Variants in FAM151A observed in about 807,000 individuals in gnomAD.
FAM151A encodes the protein family with sequence similarity 151 member A, also known as protein FAM151A.
Under a neutral mutation model 40.4 loss-of-function variants are expected in FAM151A, and 41 were observed. The observed-to-expected ratio is 1.01, with a 90% confidence interval of 0.79 to 1.32. The LOEUF (loss-of-function observed/expected upper bound fraction) is 1.32, where lower values mean the gene tolerates loss of function less well. Among genes scored for constraint, FAM151A ranks in the 40% most tolerant of loss-of-function variants. FAM151A has a pLI of 0.00. For synonymous variants in FAM151A, 337 were observed against 312.5 expected (o/e 1.08, Z -0.83); for missense variants, 740 against 740.4 (o/e 1.00, Z 0.01).
Position 54,609,301 on chromosome 1 carries a change from G to T in FAM151A, c.1725C>A (p.His575Gln). The change falls in exon 8 of 8, where the codon CAC becomes CAA. Residue 575 changes from histidine (H) to glutamine (Q), a missense_variant. Coordinates refer to ENST00000302250, the MANE Select transcript of FAM151A (RefSeq NM_176782.3). ...TACCAACATGAGCCAGCAAGTCCTT[G>T]TGGTAGCCCTGGGGTAGCCTGTAGT... is the stretch of plus-strand genomic sequence containing the variant. ...RVYYRLPQGY[H>Q]KDLLAHVGRN is the part of the protein sequence containing the mutation. 2 of 1,610,142 alleles carry T rather than the reference G, an allele frequency of 1.2e-6. No homozygotes were observed. The highest frequency in any genetic ancestry group is 1.7e-6 in the Non-Finnish European group (2 of 1,177,036).
chr1:54,619,762 C>A, intron 2 of FAM151A, 102 bp downstream of exon 2: 1 of 1,224,792 alleles, frequency 8.2e-7, no homozygotes. Flanking sequence ...ATGTAAACAG[C>A]CATCATGCCA....
At chr1:54,610,793 C>T in intron 6 of FAM151A, 5 of 984,694 alleles carry the variant, frequency 5.1e-6, no homozygotes, top group Non-Finnish European at 6.0e-6. Flanking sequence ...CTGCCTGGCT[C>T]CAGAGCTGGT....
chr1:54,612,580 C>T lies in FAM151A; in HGVS notation c.706G>A (p.Gly236Arg), dbSNP rs1557670045. 1.2e-6 allele frequency: 2 copies of T among 1,614,088 alleles called. No individual in the cohort carries two copies. Among genetic ancestry groups the T allele is most frequent in the Non-Finnish European group, 1.7e-6 (2 of 1,180,004 alleles). The change falls in exon 5 of 8, where the codon GGA (glycine) becomes AGA (arginine). Residue 236 changes from glycine (G) to arginine (R), a missense_variant. Transcript: ENST00000302250. ...AMVEKMHELV[G>R]GVPQRVTFPV... ...AAGGTGACCCTCTGGGGCACTCCTCCCACCAGCTCGTGCATCTTCTCCACC... is the reference window on the plus strand; with the variant it reads ...AAGGTGACCCTCTGGGGCACTCCTCTCACCAGCTCGTGCATCTTCTCCACC...
At chr1:54,612,731 T>A in intron 4 of FAM151A, 21 bp from the exon 5 acceptor site, 1 of 1,599,908 alleles carries the variant, frequency 6.3e-7, no homozygotes, top group Non-Finnish European at 8.6e-7. Context: ...ATCAGAGATG[T>A]TGGTCTCACG....
rs1360589397 is a variant in FAM151A at position 54,614,788 on chromosome 1, CCT to C, written c.485_486del (p.Glu162GlyfsTer13). On this transcript the variant is annotated frameshift_variant, in exon 4 of 8. Transcript: ENST00000302250. LOFTEE classifies it high-confidence loss of function. The part of the protein sequence containing the change: ...PSLDLLRQLT[E>X]EGKVRRPIWI... ...CATATGGGCCGCCGGACTTTGCCTTCCTCTGTCAGCTGCCGCAGGAGGTCCAG... is the reference window on the plus strand; with the variant it reads ...CATATGGGCCGCCGGACTTTGCCTTCCTGTCAGCTGCCGCAGGAGGTCCAG... 2 of 1,614,142 alleles carry C rather than the reference CCT, an allele frequency of 1.2e-6. No individual in the cohort carries two copies. Among genetic ancestry groups the C allele is most frequent in the Non-Finnish European group, 1.7e-6 (2 of 1,180,010 alleles).
chr1:54,610,260 T>TC lies in FAM151A; in HGVS notation c.1084+151dup, dbSNP rs1227941380. The TC allele has an allele frequency of 6.1e-6, 9 of 1,473,932 alleles. No individual in the cohort carries two copies. In the African/African-American group the frequency reaches 1.3e-4, roughly 21 times the overall value. The allele number at this position is 1,473,932 out of a possible 1,614,324, so 91.3% of individuals were successfully genotyped here. A position where few individuals can be genotyped will look rare whatever the true frequency, so the allele number is the denominator to read the frequency against. ...GCTCTTGACATCACTGTACTCCCTC[T>TC]CCCTCCCCGCAACCCTGCCCCACCT... On this transcript the variant is annotated intron_variant, in intron 7 of 7. Coordinates refer to ENST00000302250, the MANE Select transcript of FAM151A (RefSeq NM_176782.3).
intron 5 of FAM151A, among the ~76,000 whole-genome samples, chr1:54,612,241 G>A (rs1644126655): frequency 6.6e-6 from 1 of 151,878 alleles, no homozygotes; most frequent in South Asian, 2.1e-4. Flanking sequence ...GACAAATTGT[G>A]TCTTGGTATA....
chr1:54,616,449 C>T (rs1161082250), intron 2 of FAM151A, among the ~76,000 whole-genome samples: 2 of 151,932 alleles, frequency 1.3e-5, no homozygotes, highest in Non-Finnish European at 2.9e-5. Context: ...CTACAAGCTC[C>T]ACCTCCCAGT....
intron 1 of FAM151A, among the ~76,000 whole-genome samples, chr1:54,621,222 C>T (rs377277757): frequency 6.6e-6 from 1 of 151,320 alleles, no homozygotes; most frequent in East Asian, 1.9e-4. Context: ...TTTGGGAGAC[C>T]GAGGCAGGCG....
At chr1:54,621,091 C>CA (rs1644225831) in intron 1 of FAM151A, among the ~76,000 whole-genome samples, 1 of 150,540 alleles carries the variant, frequency 6.6e-6, no homozygotes, top group Non-Finnish European at 1.5e-5. Flanking sequence ...ACCTGGGAGA[C>CA]AGAGGTTGCA....
At chr1:54,610,265 C>A in intron 7 of FAM151A, 147 bp downstream of exon 7, 1 of 1,482,684 alleles carries the variant, frequency 6.7e-7, no homozygotes, top group Non-Finnish European at 8.9e-7. Flanking sequence ...CCCTCTCCCT[C>A]CCCGCAACCC....
intron 1 of FAM151A, 79 bp downstream of exon 1, chr1:54,623,199 A>C: frequency 5.9e-5 from 53 of 905,718 alleles, no homozygotes; most frequent in Middle Eastern, 3.0e-4. Flanking sequence ...GGGACTGGTC[A>C]GAGCTGTAAG....
Position 54,615,411 on chromosome 1 carries a change from A to G in FAM151A, c.416-552T>C, listed in dbSNP as rs1261329436. 3.3e-5 allele frequency among the ~76,000 whole-genome samples: 5 copies of G among 152,094 alleles called. No individual in the cohort carries two copies. In the East Asian group the frequency reaches 9.7e-4, roughly 29 times the overall value. The stretch of plus-strand genomic sequence containing the variant: ...GGGGAGCCACGGAGGGTTAAAAGAG[A>G]GGCGTGGCATGACAAAACTGGTGTT... On this transcript the variant is annotated intron_variant, in intron 3 of 7. Transcript: ENST00000302250.
At chr1:54,619,244 G>A (rs1644204536) in intron 2 of FAM151A, among the ~76,000 whole-genome samples, 1 of 152,162 alleles carries the variant, frequency 6.6e-6, no homozygotes, top group Admixed American at 6.5e-5. Flanking sequence ...TAGCATGTTC[G>A]TGAACATTAT....
intron 2 of FAM151A, among the ~76,000 whole-genome samples, chr1:54,616,863 G>A (rs900915224): frequency 1.3e-5 from 2 of 152,142 alleles, no homozygotes; most frequent in African/African-American, 4.8e-5. Context: ...CCCCATCCCT[G>A]AGATGCTTTG....
At chr1:54,622,919 A>G (rs1013859538) in intron 1 of FAM151A, among the ~76,000 whole-genome samples, 24 of 152,090 alleles carry the variant, frequency 1.6e-4, no homozygotes, top group African/African-American at 5.1e-4. Flanking sequence ...TCACACCTGT[A>G]ATCCCAGCAC....
rs766685859 is a variant in FAM151A, at chr1:54,609,802, G to C, written c.1224C>G (p.His408Gln). Reference sequence around the variant, plus strand: ...CCGCTATTTGCAAATGGATGCCCCAGTGTCCGGGATGTGTGGCCAGCTGCT... The same window carrying C: ...CCGCTATTTGCAAATGGATGCCCCACTGTCCGGGATGTGTGGCCAGCTGCT... ...CLQQLATHPG[H>Q]WGIHLQIAEP... Residue 408 changes from histidine to glutamine, a missense_variant, in exon 8 of 8, where the codon CAC (histidine) becomes CAG (glutamine). Transcript: ENST00000302250. The C allele has an allele frequency of 6.2e-7, 1 of 1,614,204 alleles. No individual in the cohort carries two copies. Among genetic ancestry groups the C allele is most frequent in the East Asian group, 2.2e-5 (1 of 44,886 alleles).
rs747114381 is a variant in FAM151A at position 54,609,358 on chromosome 1, C to T, written c.1668G>A (p.Leu556=). Residue 556 remains leucine, a synonymous_variant, in exon 8 of 8, where the codon CTG becomes CTA. Coordinates refer to ENST00000302250, the MANE Select transcript of FAM151A (RefSeq NM_176782.3). ...GDYASVRTAL[L]AARAVDRTRV... ...GGGTCCTGTCCACAGCCCTAGCTGC[C>T]AGCAATGCTGTCCTCACAGAGGCAT... The T allele has an allele frequency of 1.2e-6, 2 of 1,614,074 alleles. No homozygotes were observed. Among genetic ancestry groups the T allele is most frequent in the African/African-American group, 2.7e-5 (2 of 74,940 alleles).
chr1:54,614,502 A>G (rs1218600307), intron 4 of FAM151A, among the ~76,000 whole-genome samples, 198 bp downstream of exon 4: 1 of 152,126 alleles, frequency 6.6e-6, no homozygotes, highest in Non-Finnish European at 1.5e-5. Context: ...TCTAGGAGAT[A>G]ATGACTGGCC....
Sources: gnomAD v4.1 joint callset for allele counts (sites outside exome capture counted in the v4.1 genomes callset) on GRCh38, gnomAD v4.1.1 for gene constraint, MANE v1.5 for transcripts, NCBI Gene and HGNC (gene_info 2026-07-23, HGNC 2026-07-21) for gene names.